Variants in ITGBL1 observed in about 807,000 individuals in gnomAD.
The protein encoded by ITGBL1 is integrin subunit beta like 1.
A neutral mutation model predicts 68.5 loss-of-function variants in ITGBL1; 51 were observed. That is an observed-to-expected ratio of 0.74 (90% CI 0.59 to 0.94). ITGBL1 has a LOEUF of 0.94. ITGBL1 is among the 40% of genes least tolerant of loss of function. The pLI is 0.00. For missense variants in ITGBL1, 649 were observed against 647.4 expected, an observed-to-expected ratio of 1.00 and a Z score of -0.03; for synonymous variants, 209 against 227.3, an observed-to-expected ratio of 0.92 and a Z score of 0.72.
chr13:101,604,887 T>TATATATATATATATATACACACACACAC, intron 7 of ITGBL1, among the ~76,000 whole-genome samples: 1 of 22,164 alleles, frequency 4.5e-5, no homozygotes, highest in Non-Finnish European at 8.2e-5. Context: ...TATATATATA[T>TATATATATATATATATACACACACACAC]ACACACACAC....
At chr13:101,546,238 G>C (rs2049821256) in intron 2 of ITGBL1, among the ~76,000 whole-genome samples, 1 of 152,076 alleles carries the variant, frequency 6.6e-6, no homozygotes. Flanking sequence ...CAGGGTGGTT[G>C]GTGCAATTGC....
intron 2 of ITGBL1, among the ~76,000 whole-genome samples, chr13:101,498,106 T>C (rs1344719540): frequency 6.6e-6 from 1 of 152,144 alleles, no homozygotes; most frequent in East Asian, 1.9e-4. Context: ...ATCTGACCCT[T>C]CACTTTAAAT....
intron 7 of ITGBL1, among the ~76,000 whole-genome samples, chr13:101,643,356 C>T (rs567405494): frequency 5.0e-4 from 75 of 150,990 alleles, no homozygotes; most frequent in African/African-American, 1.8e-3. Flanking sequence ...CATGATTTGG[C>T]TCTCTGTTTG....
At chr13:101,474,175 C>A (rs146661378) in intron 2 of ITGBL1, among the ~76,000 whole-genome samples, 1 of 152,094 alleles carries the variant, frequency 6.6e-6, no homozygotes, top group South Asian at 2.1e-4. Flanking sequence ...GGCCTTGACT[C>A]CTGGATGGCA....
chr13:101,455,206 G>A (rs1294743456), intron 2 of ITGBL1, among the ~76,000 whole-genome samples: 2 of 152,178 alleles, frequency 1.3e-5, no homozygotes, highest in African/African-American at 4.8e-5. Context: ...TCAAGAATGA[G>A]TTTATAGCAA....
chr13:101,452,791 C>G lies in ITGBL1; in HGVS notation c.-43C>G. 6.5e-7 allele frequency: 1 copy of G among 1,547,060 alleles called. No homozygotes were observed. Among genetic ancestry groups the G allele is most frequent in the Non-Finnish European group, 8.9e-7 (1 of 1,119,730 alleles). On this transcript the variant is annotated 5_prime_UTR_variant, in exon 1 of 11. Coordinates refer to ENST00000376180, the MANE Select transcript of ITGBL1 (RefSeq NM_004791.3). Reference sequence around the variant, plus strand: ...TGCCGCCTCCCTCGGTGAACCCCACCTTGCAGAAGTGCAGCTCGCCCGGAG... The same window carrying G: ...TGCCGCCTCCCTCGGTGAACCCCACGTTGCAGAAGTGCAGCTCGCCCGGAG...
chr13:101,601,290 G>A (rs1244554676), intron 7 of ITGBL1, among the ~76,000 whole-genome samples: 2 of 151,956 alleles, frequency 1.3e-5, no homozygotes, highest in African/African-American at 2.4e-5. Flanking sequence ...TATCCCCTTT[G>A]TCATTTTTTA....
At chr13:101,681,061 A>C (rs1225039450) in intron 7 of ITGBL1, among the ~76,000 whole-genome samples, 1 of 152,132 alleles carries the variant, frequency 6.6e-6, no homozygotes, top group South Asian at 2.1e-4. Context: ...TTTGTATCTC[A>C]ATATCTAGCA....
intron 9 of ITGBL1, among the ~76,000 whole-genome samples, chr13:101,707,397 G>A (rs2034285438): frequency 1.3e-5 from 2 of 152,074 alleles, no homozygotes; most frequent in South Asian, 4.2e-4. Context: ...CATAAAAGGA[G>A]ACAAAATATT....
At chr13:101,606,501 A>G (rs150576920) in intron 7 of ITGBL1, among the ~76,000 whole-genome samples, 8 of 152,076 alleles carry the variant, frequency 5.3e-5, no homozygotes, top group African/African-American at 1.9e-4. Flanking sequence ...CTCAAAAACT[A>G]TAATGGCTTA....
intron 7 of ITGBL1, among the ~76,000 whole-genome samples, chr13:101,624,858 AGGGGGT>A (rs531375227): frequency 2.3e-3 from 348 of 152,270 alleles, no homozygotes; most frequent in Middle Eastern, 3.4e-3. Flanking sequence ...TCATTTTCGT[AGGGGGT>A]GGAGAAAGGT....
In ITGBL1 at chr13:101,675,696, G is replaced by A. The variant is rs114405976; in HGVS notation, c.1016-16889G>A. 6.8e-3 allele frequency among the ~76,000 whole-genome samples: 1,039 copies of A among 151,930 alleles called. 7 individuals are homozygous for A. The highest frequency in any genetic ancestry group is 0.023 in the African/African-American group (973 of 41,494). Reference sequence around the variant, plus strand: ...ACTTCAACATATAAATTTAGGGGTGGGATATTTCATCCAATAATAGCCGTG... The same window carrying A: ...ACTTCAACATATAAATTTAGGGGTGAGATATTTCATCCAATAATAGCCGTG... On this transcript the variant is annotated intron_variant, in intron 7 of 10. Transcript: ENST00000376180.
At chr13:101,490,114 TG>T in intron 2 of ITGBL1, 1 of 691,394 alleles carries the variant, frequency 1.4e-6, no homozygotes. Context: ...TATTTGGAGG[TG>T]GGGCCTTTTG....
intron 7 of ITGBL1, among the ~76,000 whole-genome samples, chr13:101,652,650 A>G (rs1458712374): frequency 6.6e-6 from 1 of 152,194 alleles, no homozygotes; most frequent in African/African-American, 2.4e-5. Flanking sequence ...CTACTCCCTT[A>G]CAAGAGCTTT....
intron 2 of ITGBL1, among the ~76,000 whole-genome samples, chr13:101,497,247 G>T (rs1247936746): frequency 1.3e-5 from 2 of 152,222 alleles, no homozygotes; most frequent in African/African-American, 4.8e-5. Context: ...GCAAGGAACT[G>T]TGATAAGTAC....
intron 7 of ITGBL1, among the ~76,000 whole-genome samples, chr13:101,649,847 C>T (rs2032685443): frequency 6.6e-6 from 1 of 152,024 alleles, no homozygotes; most frequent in Non-Finnish European, 1.5e-5. Flanking sequence ...TCTACCATAC[C>T]CTCTTAGTTT....
chr13:101,565,026 C>T (rs1594893441), intron 2 of ITGBL1, among the ~76,000 whole-genome samples: 1 of 152,192 alleles, frequency 6.6e-6, no homozygotes, highest in Middle Eastern at 3.4e-3. Flanking sequence ...GGAACAGTTT[C>T]TCCCTCAGGT....
At chr13:101,516,347 G>A (rs1010174598) in intron 2 of ITGBL1, among the ~76,000 whole-genome samples, 12 of 152,134 alleles carry the variant, frequency 7.9e-5, no homozygotes, top group African/African-American at 2.6e-4. Flanking sequence ...AATGAAATGC[G>A]GTTATAAAAC....
intron 2 of ITGBL1, among the ~76,000 whole-genome samples, chr13:101,518,526 C>A (rs2049231894): frequency 1.3e-5 from 2 of 152,078 alleles, no homozygotes; most frequent in African/African-American, 4.8e-5. Context: ...CATTCAGAAT[C>A]TTCTTAATTA....
Sources: allele counts gnomAD v4.1 joint callset (sites outside exome capture counted in the v4.1 genomes callset), GRCh38; gene constraint gnomAD v4.1.1; transcripts MANE v1.5; gene names NCBI Gene and HGNC (gene_info 2026-07-23, HGNC 2026-07-21).